Variants in TMBIM4 observed in about 807,000 individuals in gnomAD.
The protein encoded by TMBIM4 is protein lifeguard 4.
TMBIM4 carries 28 observed loss-of-function variants against 27.7 expected under a neutral mutation model. The observed-to-expected ratio is 1.01, with a 90% CI of 0.75 to 1.38. TMBIM4 has a LOEUF of 1.38. Among genes scored for constraint, TMBIM4 ranks in the 40% most tolerant of loss-of-function variants. TMBIM4 has a pLI of 0.00. For missense variants in TMBIM4, 265 were observed against 277.5 expected (o/e 0.95, Z 0.32); for synonymous variants, 115 against 113.1 (o/e 1.02, Z -0.11).
intron 1 of TMBIM4, 87 bp downstream of exon 1, chr12:66,169,768 G>T: frequency 9.3e-7 from 1 of 1,074,880 alleles, no homozygotes; most frequent in Non-Finnish European, 1.3e-6. Context: ...GGAGATGGCC[G>T]CTCTCCCTCG....
chr12:66,147,064 T>A (rs982762835), intron 4 of TMBIM4, among the ~76,000 whole-genome samples: 2 of 152,106 alleles, frequency 1.3e-5, no homozygotes, highest in Admixed American at 6.6e-5. Context: ...GTAAGTAACA[T>A]TAATAATAAG....
intron 1 of TMBIM4, among the ~76,000 whole-genome samples, chr12:66,159,764 C>T (rs552092923): frequency 4.6e-5 from 7 of 152,280 alleles, no homozygotes; most frequent in East Asian, 1.9e-4. Flanking sequence ...TTTTCTTCAG[C>T]GCTAGAGGGT....
chr12:66,148,828 C>G (rs2051793662), intron 3 of TMBIM4, among the ~76,000 whole-genome samples: 1 of 152,208 alleles, frequency 6.6e-6, no homozygotes, highest in African/African-American at 2.4e-5. Context: ...CTTGGGGATA[C>G]TGAGCCATGT....
intron 1 of TMBIM4, chr12:66,160,414 G>A: frequency 3.5e-6 from 2 of 563,966 alleles, no homozygotes; most frequent in Middle Eastern, 4.1e-4. Flanking sequence ...AGATATAAAA[G>A]GATGTTCCCT....
intron 1 of TMBIM4, chr12:66,169,099 T>C (rs1426753070): frequency 5.3e-6 from 3 of 563,636 alleles, no homozygotes; most frequent in Non-Finnish European, 9.4e-6. Flanking sequence ...ATCAGAACTA[T>C]CTTCATCTTT....
chr12:66,162,563 GTTT>G (rs1259689499), intron 1 of TMBIM4, among the ~76,000 whole-genome samples: 2 of 152,180 alleles, frequency 1.3e-5, no homozygotes, highest in African/African-American at 4.8e-5. Context: ...GAATAGCCTG[GTTT>G]TACCTAGCAG....
intron 3 of TMBIM4, among the ~76,000 whole-genome samples, chr12:66,150,839 C>T (rs764533722): frequency 7.9e-5 from 12 of 152,106 alleles, no homozygotes; most frequent in Non-Finnish European, 1.6e-4. Flanking sequence ...AAAGGGAAAA[C>T]AATGTATAAG....
intron 1 of TMBIM4, among the ~76,000 whole-genome samples, chr12:66,157,210 T>C (rs564511982): frequency 6.6e-6 from 1 of 152,224 alleles, no homozygotes; most frequent in African/African-American, 2.4e-5. Flanking sequence ...TAAGAATGCA[T>C]ACTCAGGGAA....
At chr12:66,166,285 C>G (rs1185828639) in intron 1 of TMBIM4, among the ~76,000 whole-genome samples, 1 of 151,704 alleles carries the variant, frequency 6.6e-6, no homozygotes. Flanking sequence ...ACTAACATGA[C>G]GAAACCTGTC....
At chr12:66,151,522 A>C (rs2051845435) in intron 3 of TMBIM4, among the ~76,000 whole-genome samples, 1 of 152,198 alleles carries the variant, frequency 6.6e-6, no homozygotes, top group South Asian at 2.1e-4. Flanking sequence ...TACAGGCATG[A>C]GCCACTGCAC....
intron 1 of TMBIM4, chr12:66,160,340 T>C (rs764232436): frequency 1.9e-4 from 114 of 614,798 alleles, no homozygotes; most frequent in Middle Eastern, 7.5e-4. Flanking sequence ...ATGCACATAC[T>C]CTTTTGACTC....
intron 3 of TMBIM4, among the ~76,000 whole-genome samples, chr12:66,149,389 G>A (rs955806777): frequency 6.9e-6 from 1 of 144,502 alleles, no homozygotes; most frequent in Non-Finnish European, 1.5e-5. Flanking sequence ...AGGTTGCAGT[G>A]AGCCAAGTTC....
At chr12:66,153,503 G>A in intron 1 of TMBIM4, 55 bp from the exon 2 acceptor site, 3 of 1,073,730 alleles carry the variant, frequency 2.8e-6, no homozygotes, top group South Asian at 1.6e-5. Flanking sequence ...TCATAGAACA[G>A]TAAAATCAAA....
intron 4 of TMBIM4, among the ~76,000 whole-genome samples, chr12:66,146,318 T>C: frequency 6.6e-6 from 1 of 152,298 alleles, no homozygotes; most frequent in Non-Finnish European, 1.5e-5. Flanking sequence ...GATTGTCCAT[T>C]ATGGTTTAAA....
chr12:66,166,245 A>C (rs2052124227), intron 1 of TMBIM4, among the ~76,000 whole-genome samples: 1 of 152,132 alleles, frequency 6.6e-6, no homozygotes, highest in Non-Finnish European at 1.5e-5. Context: ...TGGGTGGATC[A>C]CTTGAGCCCA....
chr12:66,169,774 C>T, intron 1 of TMBIM4, 81 bp downstream of exon 1: 1 of 1,151,790 alleles, frequency 8.7e-7, no homozygotes, highest in South Asian at 1.7e-5. Flanking sequence ...GGCCGCTCTC[C>T]CTCGGAAGCC....
chr12:66,168,787 C>A (rs1225842120), intron 1 of TMBIM4: 1 of 152,850 alleles, frequency 6.5e-6, no homozygotes, highest in Non-Finnish European at 1.5e-5. Flanking sequence ...GCAAATCATT[C>A]TGTGCTCAAA....
intron 2 of TMBIM4, 39 bp downstream of exon 2, chr12:66,153,300 CA>C: frequency 8.6e-7 from 1 of 1,167,716 alleles, no homozygotes. Flanking sequence ...TGATCATATG[CA>C]ATGTCTGAAA....
At chr12:66,148,220 T>TC (rs1322362067) in intron 3 of TMBIM4, among the ~76,000 whole-genome samples, 1 of 152,210 alleles carries the variant, frequency 6.6e-6, no homozygotes, top group Non-Finnish European at 1.5e-5. Flanking sequence ...AACATTCTGT[T>TC]TTTCTTACTG....
Sources: gnomAD v4.1 joint callset for allele counts (sites outside exome capture counted in the v4.1 genomes callset) on GRCh38, gnomAD v4.1.1 for gene constraint, MANE v1.5 for transcripts, NCBI Gene and HGNC (gene_info 2026-07-23, HGNC 2026-07-21) for gene names.